The following STK38 variants were observed in gnomAD, a reference collection of about 807,000 sequenced individuals.
STK38 encodes serine/threonine-protein kinase 38.
Under a neutral mutation model 59.0 loss-of-function variants are expected in STK38, and 26 were observed. That is an observed-to-expected ratio of 0.44 (90% CI 0.32 to 0.61). STK38 has a LOEUF of 0.61. STK38 is among the 20% of genes least tolerant of loss of function. STK38 has a pLI of 0.04. For synonymous variants in STK38, 175 were observed against 176.6 expected, an observed-to-expected ratio of 0.99 and a Z score of 0.07; for missense variants, 433 against 566.0, an observed-to-expected ratio of 0.76 and a Z score of 2.38.
intron 1 of STK38, among the ~76,000 whole-genome samples, chr6:36,541,725 ATAAT>A (rs767209905): frequency 7.0e-4 from 106 of 152,366 alleles, no homozygotes; most frequent in Non-Finnish European, 1.3e-3. Flanking sequence ...GTATATGCAC[ATAAT>A]TATTAGAAAC....
chr6:36,536,658 C>G (rs888335400), intron 2 of STK38, among the ~76,000 whole-genome samples: 4 of 151,958 alleles, frequency 2.6e-5, no homozygotes, highest in Admixed American at 1.3e-4. Flanking sequence ...CTCAGCCTCC[C>G]GAGTAGCTGA....
chr6:36,501,083 G>A (rs1776826720), intron 9 of STK38, among the ~76,000 whole-genome samples: 1 of 152,030 alleles, frequency 6.6e-6, no homozygotes, highest in Non-Finnish European at 1.5e-5. Flanking sequence ...CACCATAGTA[G>A]CTAGGACCAC....
chr6:36,533,240 T>C (rs1345695673), intron 2 of STK38, among the ~76,000 whole-genome samples: 1 of 152,160 alleles, frequency 6.6e-6, no homozygotes, highest in Non-Finnish European at 1.5e-5. Flanking sequence ...CTCAAACTCC[T>C]GAGCTCAAGA....
chr6:36,496,867 A>T, intron 12 of STK38, 62 bp from the exon 13 acceptor site: 3 of 1,251,552 alleles, frequency 2.4e-6, no homozygotes, highest in Non-Finnish European at 3.4e-6. Flanking sequence ...ATACCAATCA[A>T]GTCTTTCTCC....
At chr6:36,533,065 CAAA>C (rs751360605) in intron 2 of STK38, among the ~76,000 whole-genome samples, 2 of 50,340 alleles carry the variant, frequency 4.0e-5, no homozygotes, top group Non-Finnish European at 8.5e-5. Context: ...GACTCCATCT[CAAA>C]AAAAAAAAAA....
intron 7 of STK38, 88 bp downstream of exon 7, chr6:36,515,250 C>A: frequency 6.8e-7 from 1 of 1,468,032 alleles, no homozygotes; most frequent in Middle Eastern, 1.8e-4. Flanking sequence ...AGCTCGCCCA[C>A]TGGGATGACC....
At chr6:36,500,359 ACT>A (rs1272914456) in intron 9 of STK38, among the ~76,000 whole-genome samples, 15 of 151,996 alleles carry the variant, frequency 9.9e-5, no homozygotes, top group South Asian at 2.1e-4. Flanking sequence ...TCCTGACAAA[ACT>A]TTTCCAAGGA....
At chr6:36,512,672 T>C (rs1023289091) in intron 7 of STK38, among the ~76,000 whole-genome samples, 6 of 152,194 alleles carry the variant, frequency 3.9e-5, no homozygotes, top group Admixed American at 2.6e-4. Flanking sequence ...TTCTTCTTTT[T>C]TTTTTGAGAT....
intron 2 of STK38, among the ~76,000 whole-genome samples, chr6:36,529,147 T>C (rs928201886): frequency 6.6e-6 from 1 of 152,208 alleles, no homozygotes. Context: ...AAGGAATTAC[T>C]GTTAACTTGG....
chr6:36,525,968 A>G (rs1777500503), intron 2 of STK38, among the ~76,000 whole-genome samples: 2 of 152,110 alleles, frequency 1.3e-5, no homozygotes, highest in African/African-American at 4.8e-5. Flanking sequence ...ATCCCACCTC[A>G]GCCTCCCAAG....
chr6:36,522,460 C>T (rs907977036), intron 4 of STK38: 1 of 152,204 alleles, frequency 6.6e-6, no homozygotes, highest in African/African-American at 2.4e-5. Flanking sequence ...TGTAAACAGC[C>T]ACTGCACTCC....
chr6:36,525,536 C>A (rs1366985945), intron 3 of STK38, 55 bp downstream of exon 3: 2 of 1,535,444 alleles, frequency 1.3e-6, no homozygotes, highest in Middle Eastern at 1.7e-4. Flanking sequence ...ACTCACTGGA[C>A]AAGATACAAC....
In STK38 at chr6:36,495,759, C is replaced by T. The variant is rs377244384; in HGVS notation, c.*25G>A. 592 of 1,612,882 alleles carry T rather than the reference C, an allele frequency of 3.7e-4. No individual in the cohort carries two copies. Among genetic ancestry groups the T allele is most frequent in the Non-Finnish European group, 4.7e-4 (549 of 1,179,384 alleles). On this transcript the variant is annotated 3_prime_UTR_variant, in exon 14 of 14. Transcript: ENST00000229812. ...TGATGTTATACAAAGAACTCTGCTC[C>T]ACATAGGATTCCGTGGCAAGAGTAC...
chr6:36,521,679 A>G, intron 5 of STK38, 55 bp downstream of exon 5: 8 of 1,356,906 alleles, frequency 5.9e-6, no homozygotes, highest in Non-Finnish European at 8.0e-6. Context: ...CAAAAAGAAA[A>G]GTTTTAGGAG....
At chr6:36,518,860 T>G (rs1420160464) in intron 5 of STK38, among the ~76,000 whole-genome samples, 3 of 152,232 alleles carry the variant, frequency 2.0e-5, no homozygotes. Flanking sequence ...CAACATGTTC[T>G]GAAGTAAAAC....
At chr6:36,512,631 T>C (rs1194463661) in intron 7 of STK38, among the ~76,000 whole-genome samples, 1 of 152,220 alleles carries the variant, frequency 6.6e-6, no homozygotes, top group African/African-American at 2.4e-5. Context: ...ACAAAATGGT[T>C]ATCTTTCAGT....
At chr6:36,518,537 A>G (rs1244807496) in intron 5 of STK38, among the ~76,000 whole-genome samples, 2 of 152,226 alleles carry the variant, frequency 1.3e-5, no homozygotes, top group African/African-American at 2.4e-5. Context: ...ACATCACTGC[A>G]TATTATCAAA....
intron 12 of STK38, among the ~76,000 whole-genome samples, chr6:36,497,009 AT>A (rs1373868686): frequency 6.6e-6 from 1 of 152,260 alleles, no homozygotes; most frequent in African/African-American, 2.4e-5. Flanking sequence ...TTTTAAAAAA[AT>A]AACTCAATCA....
chr6:36,527,489 GT>G (rs1777560117), intron 2 of STK38, among the ~76,000 whole-genome samples: 1 of 151,346 alleles, frequency 6.6e-6, no homozygotes, highest in Non-Finnish European at 1.5e-5. Context: ...GGAGGCAGAG[GT>G]TGCAGTGAGG....
Sources: allele counts gnomAD v4.1 joint callset (sites outside exome capture counted in the v4.1 genomes callset), GRCh38; gene constraint gnomAD v4.1.1; transcripts MANE v1.5; gene names NCBI Gene and HGNC (gene_info 2026-07-23, HGNC 2026-07-21).